The following SLC5A8 variants were observed in gnomAD, a reference collection of about 807,000 sequenced individuals.
SLC5A8 encodes the protein sodium-coupled monocarboxylate transporter 1.
In SLC5A8, 55 loss-of-function variants were observed where a neutral mutation model predicts 71.9. The observed-to-expected ratio is 0.77, with a 90% confidence interval of 0.62 to 0.96. The LOEUF (loss-of-function observed/expected upper bound fraction) is 0.96, where lower values mean the gene tolerates loss of function less well. Among genes scored for constraint, SLC5A8 ranks in the 40% least tolerant of loss-of-function variants. The pLI, the probability that SLC5A8 is intolerant of heterozygous loss-of-function variation, is 0.00. For missense variants in SLC5A8, 701 were observed against 745.3 expected (o/e 0.94, Z 0.69); for synonymous variants, 307 against 276.1 (o/e 1.11, Z -1.11).
chr12:101,167,373 C>A (rs1423982774), intron 11 of SLC5A8, among the ~76,000 whole-genome samples: 2 of 152,094 alleles, frequency 1.3e-5, no homozygotes, highest in Non-Finnish European at 2.9e-5. Flanking sequence ...AATAGAATTC[C>A]AAATGTGAAG....
intron 6 of SLC5A8, 24 bp downstream of exon 6, chr12:101,190,444 C>A: frequency 6.2e-7 from 1 of 1,606,082 alleles, no homozygotes; most frequent in South Asian, 1.1e-5. Flanking sequence ...ATTAATGATT[C>A]ATATACCATG....
intron 13 of SLC5A8, among the ~76,000 whole-genome samples, chr12:101,158,550 G>GTCTCTCTCTCTCTCTCTC (rs372186123): frequency 1.9e-4 from 9 of 48,508 alleles, no homozygotes; most frequent in Non-Finnish European, 3.0e-4. Flanking sequence ...ATAAATATGA[G>GTCTCTCTCTCTCTCTCTC]TCTCTCTCTC....
chr12:101,159,933 A>G (rs985466561), intron 13 of SLC5A8, among the ~76,000 whole-genome samples: 4 of 152,162 alleles, frequency 2.6e-5, no homozygotes, highest in African/African-American at 4.8e-5. Flanking sequence ...TGTAATCCCT[A>G]CAATTTGGGA....
rs201436582 is a variant in SLC5A8, at chr12:101,187,488, G to A, written c.861C>T (p.Leu287=). ...KLSLYINLVG[L]WAILTCSVFC... ...ACACTGAGCATGTGAGGATTGCCCA[G>A]AGTCCCACAAGATTGATGTAGAGAG... The change falls in exon 7 of 15, where the codon CTC becomes CTT. Residue 287 remains leucine, a synonymous_variant. Transcript: ENST00000536262. 1.1e-5 allele frequency: 18 copies of A among 1,613,708 alleles called. No homozygotes were observed. The East Asian group carries it at 3.1e-4, about 28-fold the overall frequency.
At chr12:101,159,428 C>A (rs2051705038) in intron 13 of SLC5A8, among the ~76,000 whole-genome samples, 1 of 152,156 alleles carries the variant, frequency 6.6e-6, no homozygotes, top group African/African-American at 2.4e-5. Context: ...GAAAACATAG[C>A]CTTCTGCATA....
In SLC5A8 at chr12:101,210,181, G is replaced by C; in HGVS notation, c.-333C>G. Reference sequence around the variant, plus strand: ...GGGACACCTGAGCAGATGAGAACTGGAGCCTCCAGCTGCTTCCAGCGAATC... The same window carrying C: ...GGGACACCTGAGCAGATGAGAACTGCAGCCTCCAGCTGCTTCCAGCGAATC... On this transcript the variant is annotated 5_prime_UTR_variant, in exon 1 of 15. Coordinates refer to ENST00000536262, the MANE Select transcript of SLC5A8 (RefSeq NM_145913.5). 3.3e-6 allele frequency: 1 copy of C among 303,008 alleles called. No homozygotes were observed. The highest frequency in any genetic ancestry group is 6.0e-6 in the Non-Finnish European group (1 of 166,668). 18.8% of individuals were successfully genotyped at this position (303,008 alleles called of 1,614,324 possible).
Position 101,209,897 on chromosome 12 carries a change from G to A in SLC5A8, c.-49C>T. On this transcript the variant is annotated 5_prime_UTR_variant, in exon 1 of 15. Coordinates refer to ENST00000536262, the MANE Select transcript of SLC5A8 (RefSeq NM_145913.5). ...GCGCGCAAACTGGTGGCCCCGCGGC[G>A]CGCAGCCGGAGCCCGGCGCGCACTT... 1 of 1,451,932 alleles carries A rather than the reference G, an allele frequency of 6.9e-7. No individual in the cohort carries two copies. The highest frequency in any genetic ancestry group is 1.4e-5 in the African/African-American group (1 of 69,580). The allele number at this position is 1,451,932 out of a possible 1,614,324, so 89.9% of individuals were successfully genotyped here.
chr12:101,167,260 C>T (rs1204104480), intron 11 of SLC5A8, among the ~76,000 whole-genome samples: 1 of 152,166 alleles, frequency 6.6e-6, no homozygotes, highest in African/African-American at 2.4e-5. Context: ...TTAATTCCTA[C>T]AAAAGCAGCT....
intron 6 of SLC5A8, among the ~76,000 whole-genome samples, chr12:101,190,213 G>T (rs1237589262): frequency 6.6e-6 from 1 of 152,066 alleles, no homozygotes; most frequent in Non-Finnish European, 1.5e-5. Flanking sequence ...TATCCCCCAT[G>T]GGTTCTTATG....
rs1027062391 is a variant in SLC5A8 at position 101,209,994 on chromosome 12, C to G, written c.-146G>C. The stretch of plus-strand genomic sequence containing the variant: ...GGAGGCGTCCTCCAGGTGTCGGCCT[C>G]CGAACGCACCCCGAGGCGGGGTGAG... On this transcript the variant is annotated 5_prime_UTR_variant, in exon 1 of 15. Coordinates refer to ENST00000536262, the MANE Select transcript of SLC5A8 (RefSeq NM_145913.5). 4.7e-5 allele frequency: 31 copies of G among 660,752 alleles called. No homozygotes were observed. Among genetic ancestry groups the G allele is most frequent in the Admixed American group, 2.6e-4 (7 of 26,470 alleles). The allele number at this position is 660,752 out of a possible 1,614,324, so 40.9% of individuals were successfully genotyped here.
At chr12:101,166,197 A>C (rs932993773) in intron 12 of SLC5A8, among the ~76,000 whole-genome samples, 2 of 152,234 alleles carry the variant, frequency 1.3e-5, no homozygotes, top group Non-Finnish European at 2.9e-5. Context: ...CAAGACAAAG[A>C]TAATTCTTCA....
At chr12:101,165,013 A>G (rs2051756351) in intron 12 of SLC5A8, among the ~76,000 whole-genome samples, 1 of 152,170 alleles carries the variant, frequency 6.6e-6, no homozygotes, top group Non-Finnish European at 1.5e-5. Flanking sequence ...TAGTTTTTAT[A>G]CTTAGCATGC....
chr12:101,173,253 A>AC (rs144080791), intron 10 of SLC5A8, among the ~76,000 whole-genome samples: 2,129 of 152,324 alleles, frequency 0.014, 41 homozygotes, highest in South Asian at 0.054. Flanking sequence ...TACACACAGC[A>AC]CAGCCAGGTG....
chr12:101,176,541 A>G (rs2051881765), intron 10 of SLC5A8, among the ~76,000 whole-genome samples: 1 of 152,078 alleles, frequency 6.6e-6, no homozygotes, highest in African/African-American at 2.4e-5. Flanking sequence ...CTAGGTTATA[A>G]AACAGACCTC....
At chr12:101,179,156 C>T (rs1412606538) in intron 10 of SLC5A8, among the ~76,000 whole-genome samples, 1 of 152,092 alleles carries the variant, frequency 6.6e-6, no homozygotes, top group Non-Finnish European at 1.5e-5. Flanking sequence ...AAAGACACCA[C>T]TAAATGCTGG....
At chr12:101,194,949 T>A in intron 4 of SLC5A8, 146 bp downstream of exon 4, 1 of 712,452 alleles carries the variant, frequency 1.4e-6, no homozygotes, top group Non-Finnish European at 2.3e-6. Flanking sequence ...TACAGATTAT[T>A]TCTCACACAA....
Position 101,202,910 on chromosome 12 carries a change from C to T in SLC5A8, c.418-695G>A, listed in dbSNP as rs12425438. ...AAATTCCATGATTATTCTATAAAAG[C>T]ATATTATGAAAATAAAAATCTATTC... is the stretch of plus-strand genomic sequence containing the variant. On this transcript the variant is annotated intron_variant, in intron 2 of 14. Transcript: ENST00000536262. 6.6e-3 allele frequency among the ~76,000 whole-genome samples: 999 copies of T among 152,192 alleles called. 27 individuals carry two copies. Among genetic ancestry groups the T allele is most frequent in the Admixed American group, 0.034 (523 of 15,288 alleles).
chr12:101,201,621 G>A (rs1401124860), intron 3 of SLC5A8, among the ~76,000 whole-genome samples: 1 of 152,192 alleles, frequency 6.6e-6, no homozygotes, highest in African/African-American at 2.4e-5. Flanking sequence ...ACTTTGTTGA[G>A]CAGCACAATC....
rs372186123 is a variant in SLC5A8 at position 101,158,550 on chromosome 12, GTCTCTCTCTCTCTC to G, written c.1631-236_1631-223del. ...AAGCCTCTCACTATAATAAATATGA[GTCTCTCTCTCTCTC>G]TCTCTCTCTCTCTCTCTCTCTCTCT... On this transcript the variant is annotated intron_variant, in intron 13 of 14. Transcript: ENST00000536262. Among the ~76,000 whole-genome samples, 221 of 48,454 alleles carry G rather than the reference GTCTCTCTCTCTCTC, an allele frequency of 4.6e-3. 2 individuals carry two copies. The highest frequency in any genetic ancestry group is 9.0e-3 in the African/African-American group (155 of 17,306). The allele number at this position is 48,454 out of a possible 152,430, so 31.8% of individuals were successfully genotyped here.
Sources: allele counts gnomAD v4.1 joint callset (sites outside exome capture counted in the v4.1 genomes callset), GRCh38; gene constraint gnomAD v4.1.1; transcripts MANE v1.5; gene names NCBI Gene and HGNC (gene_info 2026-07-23, HGNC 2026-07-21).